The following CYP46A1 variants were observed in gnomAD, a reference collection of about 807,000 sequenced individuals.
The protein encoded by CYP46A1 is cholesterol 24-hydroxylase.
CYP46A1 carries 20 observed loss-of-function variants against 63.3 expected under a neutral mutation model. The observed-to-expected ratio is 0.32, with a 90% CI of 0.22 to 0.46. The LOEUF (loss-of-function observed/expected upper bound fraction) is 0.46. CYP46A1 is among the 20% of genes least tolerant of loss of function. The pLI is 1.00. For synonymous variants in CYP46A1, 268 were observed against 273.6 expected (o/e 0.98, Z 0.20); for missense variants, 445 against 670.8 (o/e 0.66, Z 3.72).
chr14:99,710,798 T>G (rs896386745), intron 7 of CYP46A1: 1 of 152,166 alleles, frequency 6.6e-6, no homozygotes, highest in Non-Finnish European at 1.5e-5. Context: ...TGGATTTAAC[T>G]ACACTTTAGA....
intron 1 of CYP46A1, among the ~76,000 whole-genome samples, chr14:99,685,474 C>CT (rs2056486027): frequency 6.6e-6 from 1 of 151,712 alleles, no homozygotes; most frequent in African/African-American, 2.4e-5. Flanking sequence ...AGGTTACCTT[C>CT]TTTCCACCTG....
rs2056890791 is a variant in CYP46A1 at position 99,725,810 on chromosome 14, G to GCAA, written c.1265+331_1265+332insCAA. Among the ~76,000 whole-genome samples the GCAA allele has an allele frequency of 6.6e-6, 1 of 152,142 alleles. No individual in the cohort carries two copies. The highest frequency in any genetic ancestry group is 1.5e-5 in the Non-Finnish European group (1 of 68,026). ...GGCTGCATCTGCAAGTTGCTGTGGG[G>GCAA]GTCAACGCGTTAAGGTACCGAAGCC... On this transcript the variant is annotated intron_variant, in intron 13 of 14. Transcript: ENST00000261835. The surrounding 1 kb of genome is among the most constrained non-coding windows in gnomAD (Gnocchi z 4.2).
At position 99,726,884 on chromosome 14, in the gene CYP46A1, C is replaced by T. The variant is rs1327433131; in HGVS notation, c.*157C>T. The T allele has an allele frequency of 7.1e-6, 4 of 564,168 alleles. No homozygotes were observed. Among genetic ancestry groups the T allele is most frequent in the Non-Finnish European group, 8.8e-6 (3 of 341,944 alleles). 34.9% of individuals were successfully genotyped at this position (564,168 alleles called of 1,614,324 possible). ...TCTGCCGACCGCCTGCTTCACACCC[C>T]TCAGCGCTCCCTGTCGCCTGCGGAC... On this transcript the variant is annotated 3_prime_UTR_variant, in exon 15 of 15. Transcript: ENST00000261835.
At chr14:99,707,212 G>A (rs1376116815) in intron 6 of CYP46A1, among the ~76,000 whole-genome samples, 1 of 152,154 alleles carries the variant, frequency 6.6e-6, no homozygotes, top group Non-Finnish European at 1.5e-5. Flanking sequence ...TGCAGTGTGG[G>A]GACAGTGACT....
chr14:99,711,064 G>A (rs1421578652), intron 7 of CYP46A1: 3 of 152,030 alleles, frequency 2.0e-5, no homozygotes, highest in African/African-American at 7.2e-5. Flanking sequence ...TGACCACTGG[G>A]TCAATGAAGA....
At chr14:99,691,581 C>T (rs2056543536) in intron 2 of CYP46A1, 199 bp from the exon 3 acceptor site, 1 of 600,524 alleles carries the variant, frequency 1.7e-6, no homozygotes, top group Non-Finnish European at 3.0e-6. Flanking sequence ...CTGAGGCCTG[C>T]TGGGGGACAT....
chr14:99,699,375 C>A, intron 3 of CYP46A1, 91 bp from the exon 4 acceptor site: 1 of 1,250,390 alleles, frequency 8.0e-7, no homozygotes, highest in Non-Finnish European at 1.2e-6. Context: ...GAGACTCAGC[C>A]AATGGTGATT....
rs1424807267 is a variant in CYP46A1 at position 99,726,122 on chromosome 14, C to G, written c.1266-68C>G. On this transcript the variant is annotated intron_variant, in intron 13 of 14. Coordinates refer to ENST00000261835, the MANE Select transcript of CYP46A1 (RefSeq NM_006668.2). ...CATCCAGACCTGGGTTAACTACTGT[C>G]TTCCTTATGTTGTTCCTGTGGGGAC... 4 of 1,417,466 alleles carry G rather than the reference C, an allele frequency of 2.8e-6. No individual in the cohort carries two copies. The East Asian group carries it at 6.8e-5, about 24-fold the overall frequency. The allele number at this position is 1,417,466 out of a possible 1,614,324, so 87.8% of individuals were successfully genotyped here. A position where few individuals can be genotyped will look rare whatever the true frequency, so the allele number is the denominator to read the frequency against.
rs2056469541 is a variant in CYP46A1 at position 99,684,304 on chromosome 14, C to T, written c.-114C>T. 6.3e-6 allele frequency: 3 copies of T among 476,618 alleles called. No homozygotes were observed. Among genetic ancestry groups the T allele is most frequent in the Non-Finnish European group, 6.2e-6 (2 of 324,960 alleles). The allele number at this position is 476,618 out of a possible 1,614,324, so 29.5% of individuals were successfully genotyped here. ...AGCGGGCGGGGAGGGTGCTGGGTCG[C>T]GCCTGGCCTGGGGCCGAGGCGGCGC... On this transcript the variant is annotated 5_prime_UTR_variant, in exon 1 of 15. Coordinates refer to ENST00000261835, the MANE Select transcript of CYP46A1 (RefSeq NM_006668.2).
chr14:99,726,524 T>C, intron 14 of CYP46A1, 33 bp from the exon 15 acceptor site: 1 of 1,528,964 alleles, frequency 6.5e-7, no homozygotes, highest in Non-Finnish European at 8.8e-7. Flanking sequence ...CTTTGCTCCT[T>C]CATTCCTTCC....
intron 3 of CYP46A1, among the ~76,000 whole-genome samples, chr14:99,693,912 A>G (rs1389837993): frequency 6.6e-6 from 1 of 152,110 alleles, no homozygotes; most frequent in South Asian, 2.1e-4. Flanking sequence ...TACATCCATC[A>G]CCACCATCCA....
intron 10 of CYP46A1, 79 bp from the exon 11 acceptor site, chr14:99,721,160 C>T: frequency 1.0e-6 from 1 of 984,360 alleles, no homozygotes; most frequent in African/African-American, 1.6e-5. Flanking sequence ...CGCTTCCTTC[C>T]AGTGCCCCCT....
intron 12 of CYP46A1, chr14:99,723,255 G>A (rs2056865621): frequency 6.2e-6 from 1 of 161,484 alleles, no homozygotes; most frequent in African/African-American, 2.4e-5. Flanking sequence ...GTATTGCTAT[G>A]TAGAGCGTTA....
At chr14:99,709,187 C>G (rs983986824) in intron 7 of CYP46A1, 1 of 152,018 alleles carries the variant, frequency 6.6e-6, no homozygotes, top group Non-Finnish European at 1.5e-5. Context: ...CAATAACTCT[C>G]CAGCAACAGA....
intron 5 of CYP46A1, among the ~76,000 whole-genome samples, chr14:99,704,647 C>T (rs1290740686): frequency 6.6e-6 from 1 of 152,164 alleles, no homozygotes; most frequent in East Asian, 1.9e-4. Flanking sequence ...TGTATGATAA[C>T]CGGCCACATA....
chr14:99,689,558 G>A (rs1309377650), intron 1 of CYP46A1, among the ~76,000 whole-genome samples: 4 of 152,100 alleles, frequency 2.6e-5, no homozygotes, highest in South Asian at 2.1e-4. Context: ...GGGTGGGCAC[G>A]GTGGCTCTGC....
chr14:99,717,967 A>G (rs1400833080), intron 9 of CYP46A1, 87 bp from the exon 10 acceptor site: 1 of 1,056,988 alleles, frequency 9.5e-7, no homozygotes, highest in Non-Finnish European at 1.4e-6. Flanking sequence ...TTTACATGCC[A>G]GCACTGGCTG....
At chr14:99,691,697 C>T (rs2056544759) in intron 2 of CYP46A1, 83 bp from the exon 3 acceptor site, 1 of 1,318,308 alleles carries the variant, frequency 7.6e-7, no homozygotes, top group Admixed American at 1.7e-5. Context: ...GGACGGGAAA[C>T]ATCGGTTTCT....
Position 99,722,866 on chromosome 14 carries a change from A to G in CYP46A1, c.1176+800A>G, listed in dbSNP as rs922482558. The G allele has an allele frequency of 2.4e-5, 11 of 449,472 alleles. No homozygotes were observed. The East Asian group carries it at 7.7e-4, about 32-fold the overall frequency. The allele number at this position is 449,472 out of a possible 1,614,324, so 27.8% of individuals were successfully genotyped here. ...TCTCGAGCACCACAGCAACGATGCC[A>G]TTTCTGTCCGCATGTCCAGGAACAG... On this transcript the variant is annotated intron_variant, in intron 12 of 14. Coordinates refer to ENST00000261835, the MANE Select transcript of CYP46A1 (RefSeq NM_006668.2). The surrounding 1 kb of genome is among the most constrained non-coding windows in gnomAD (Gnocchi z 4.6).
Sources: gnomAD v4.1 joint callset for allele counts (sites outside exome capture counted in the v4.1 genomes callset) on GRCh38, gnomAD v4.1.1 for gene constraint, Gnocchi (gnomAD v3.1) non-coding constraint, MANE v1.5 for transcripts, NCBI Gene and HGNC (gene_info 2026-07-23, HGNC 2026-07-21) for gene names.